The following GLRB variants were observed in gnomAD, a reference collection of about 807,000 sequenced individuals.
GLRB encodes the protein glycine receptor beta.
In GLRB, 33 loss-of-function variants were observed where a neutral mutation model predicts 54.2. The observed-to-expected ratio is 0.61, with a 90% CI of 0.46 to 0.81. GLRB has a LOEUF of 0.81. Among genes scored for constraint, GLRB ranks in the 40% least tolerant of loss-of-function variants. GLRB has a pLI of 0.00. For synonymous variants in GLRB, 209 were observed against 208.2 expected (o/e 1.00, Z -0.03); for missense variants, 572 against 584.6 (o/e 0.98, Z 0.22).
intron 9 of GLRB, among the ~76,000 whole-genome samples, chr4:157,157,259 G>C (rs1049528785): frequency 8.5e-5 from 13 of 152,166 alleles, no homozygotes; most frequent in African/African-American, 3.1e-4. Flanking sequence ...AGGGATCAGG[G>C]CCTTGTTACT....
intron 2 of GLRB, among the ~76,000 whole-genome samples, chr4:157,109,135 G>A (rs184178661): frequency 2.4e-4 from 36 of 152,090 alleles, no homozygotes; most frequent in Non-Finnish European, 2.8e-4. Context: ...TAACTTTATG[G>A]CAATATTCAC....
At chr4:157,098,532 T>C (rs1734896423) in intron 2 of GLRB, among the ~76,000 whole-genome samples, 1 of 152,110 alleles carries the variant, frequency 6.6e-6, no homozygotes, top group East Asian at 1.9e-4. Flanking sequence ...AGCTGATTCT[T>C]AGGAGGGGCC....
At chr4:157,111,936 T>G (rs1735434098) in intron 2 of GLRB, among the ~76,000 whole-genome samples, 1 of 151,990 alleles carries the variant, frequency 6.6e-6, no homozygotes, top group East Asian at 1.9e-4. Flanking sequence ...GAAATATTCT[T>G]TTTTTTCCTT....
rs150186621 is a variant in GLRB at position 157,109,118 on chromosome 4, G to C, written c.123-11438G>C. Among the ~76,000 whole-genome samples, 287 of 152,126 alleles carry C rather than the reference G, an allele frequency of 1.9e-3. 2 individuals carry two copies. Among genetic ancestry groups the C allele is most frequent in the African/African-American group, 5.8e-3 (240 of 41,534 alleles). ...TATGCACTGGGAAACCAAAACATTTGTATGACTAACTTTATGGCAATATTC... is the reference window on the plus strand; with the variant it reads ...TATGCACTGGGAAACCAAAACATTTCTATGACTAACTTTATGGCAATATTC... On this transcript the variant is annotated intron_variant, in intron 2 of 9. Coordinates refer to ENST00000264428, the MANE Select transcript of GLRB (RefSeq NM_000824.5).
intron 8 of GLRB, among the ~76,000 whole-genome samples, chr4:157,149,498 T>G (rs964016104): frequency 3.9e-4 from 60 of 152,234 alleles, no homozygotes; most frequent in African/African-American, 1.4e-3. Flanking sequence ...AGGGAATACT[T>G]TTTTTAACAA....
chr4:157,150,661 T>G (rs1323750012), intron 8 of GLRB, among the ~76,000 whole-genome samples: 2 of 152,070 alleles, frequency 1.3e-5, no homozygotes, highest in Non-Finnish European at 2.9e-5. Flanking sequence ...TTGGCCTTTA[T>G]CTAATCTTTC....
At chr4:157,117,111 A>G (rs1044487448) in intron 2 of GLRB, among the ~76,000 whole-genome samples, 5 of 151,756 alleles carry the variant, frequency 3.3e-5, no homozygotes, top group African/African-American at 1.2e-4. Flanking sequence ...GAAAGGGCCA[A>G]TTTATATTTT....
chr4:157,152,449 G>A (rs1737057393), intron 8 of GLRB, among the ~76,000 whole-genome samples: 1 of 151,844 alleles, frequency 6.6e-6, no homozygotes, highest in Non-Finnish European at 1.5e-5. Context: ...ATTGAAAACA[G>A]GTCCAAATTA....
At chr4:157,130,091 C>T (rs1736157796) in intron 4 of GLRB, among the ~76,000 whole-genome samples, 1 of 151,820 alleles carries the variant, frequency 6.6e-6, no homozygotes, top group African/African-American at 2.4e-5. Flanking sequence ...TAACATCTCA[C>T]TGAATTCTTC....
Position 157,136,861 on chromosome 4 carries a change from A to G in GLRB, c.585A>G (p.Gln195=). The part of the protein sequence containing the change: ...LDLTLFPMDT[Q]RCKMQLESFG... ...TGACATTGTTTCCCATGGATACACA[A>G]CGTTGCAAGATGCAACTGGAGAGCT... Residue 195 remains glutamine (Q), a synonymous_variant, in exon 6 of 10, where the codon CAA becomes CAG. Coordinates refer to ENST00000264428, the MANE Select transcript of GLRB (RefSeq NM_000824.5). 6.2e-7 allele frequency: 1 copy of G among 1,605,612 alleles called. No individual in the cohort carries two copies. The highest frequency in any genetic ancestry group is 1.1e-5 in the South Asian group (1 of 90,922).
At chr4:157,142,687 A>T (rs1736660895) in intron 7 of GLRB, among the ~76,000 whole-genome samples, 2 of 152,134 alleles carry the variant, frequency 1.3e-5, no homozygotes, top group Admixed American at 6.6e-5. Context: ...AAATAGGAAA[A>T]AGTAACATTA....
intron 2 of GLRB, chr4:157,084,843 A>G (rs1407412874): frequency 3.0e-6 from 1 of 336,898 alleles, no homozygotes; most frequent in East Asian, 8.4e-5. Context: ...TCATTAAGAG[A>G]TGAAATAGAT....
intron 4 of GLRB, among the ~76,000 whole-genome samples, chr4:157,127,931 TG>T (rs1560957558): frequency 6.6e-6 from 1 of 151,938 alleles, no homozygotes; most frequent in Non-Finnish European, 1.5e-5. Flanking sequence ...TTGGTAATTT[TG>T]TTACAGTGGC....
At chr4:157,157,559 C>G (rs1306455097) in intron 9 of GLRB, among the ~76,000 whole-genome samples, 1 of 152,034 alleles carries the variant, frequency 6.6e-6, no homozygotes, top group African/African-American at 2.4e-5. Flanking sequence ...TCTCATTGTT[C>G]AATTCCCACC....
intron 6 of GLRB, 27 bp downstream of exon 6, chr4:157,136,913 A>C: frequency 1.5e-6 from 2 of 1,372,564 alleles, no homozygotes; most frequent in South Asian, 1.2e-5. Context: ...ATAATTGATT[A>C]TGAAAATAAA....
At chr4:157,143,755 C>A in intron 7 of GLRB, 52 bp from the exon 8 acceptor site, 3 of 1,555,306 alleles carry the variant, frequency 1.9e-6, no homozygotes, top group Non-Finnish European at 2.6e-6. Context: ...TTGATGTTTG[C>A]CATTCTGTGT....
chr4:157,132,523 C>T (rs1320613742), intron 4 of GLRB, among the ~76,000 whole-genome samples: 2 of 151,776 alleles, frequency 1.3e-5, no homozygotes, highest in Non-Finnish European at 2.9e-5. Context: ...GGAACCCCAC[C>T]AGCTTTAAGT....
chr4:157,124,141 A>G (rs1430719695), intron 4 of GLRB, among the ~76,000 whole-genome samples: 2 of 151,710 alleles, frequency 1.3e-5, no homozygotes, highest in East Asian at 2.0e-4. Flanking sequence ...AAAATATTTC[A>G]TCATTTCTAA....
rs890140849 is a variant in GLRB at position 157,076,169 on chromosome 4, G to T, written c.-158G>T. 1 of 149,552 alleles carries T rather than the reference G, an allele frequency of 6.7e-6. No homozygotes were observed. Among genetic ancestry groups the T allele is most frequent in the Non-Finnish European group, 1.5e-5 (1 of 67,228 alleles). 9.3% of individuals were successfully genotyped at this position (149,552 alleles called of 1,614,324 possible). On this transcript the variant is annotated 5_prime_UTR_variant, in exon 1 of 10. Transcript: ENST00000264428. ...CCGAGCAGGCGCGTCAGCCGAGCTC[G>T]GCGGTGGCGCGGGCGGCTGGGACGC...
Sources: gnomAD v4.1 joint callset for allele counts (sites outside exome capture counted in the v4.1 genomes callset) on GRCh38, gnomAD v4.1.1 for gene constraint, MANE v1.5 for transcripts, NCBI Gene and HGNC (gene_info 2026-07-23, HGNC 2026-07-21) for gene names.